SERPINC1: variants seen among roughly 807,000 people sequenced by gnomAD.
SERPINC1 encodes the protein antithrombin-III.
In SERPINC1, 12 loss-of-function variants were observed where a neutral mutation model predicts 43.4. That is an observed-to-expected ratio of 0.28 (90% CI 0.18 to 0.45). SERPINC1 has a LOEUF of 0.45. Among genes scored for constraint, SERPINC1 ranks in the 20% least tolerant of loss-of-function variants. SERPINC1 has a pLI of 1.00. For synonymous variants in SERPINC1, 210 were observed against 218.9 expected (o/e 0.96, Z 0.36); for missense variants, 423 against 578.8 (o/e 0.73, Z 2.76).
At chr1:173,915,691 A>G (rs746719316) in intron 1 of SERPINC1, among the ~76,000 whole-genome samples, 2 of 151,978 alleles carry the variant, frequency 1.3e-5, no homozygotes, top group African/African-American at 4.8e-5. Context: ...CAGCAACAAC[A>G]AACAAACAAA....
At chr1:173,917,018 G>T (rs2102793413) in intron 1 of SERPINC1, among the ~76,000 whole-genome samples, 2 of 152,244 alleles carry the variant, frequency 1.3e-5, no homozygotes, top group Middle Eastern at 6.8e-3. Context: ...GGACCCAAGG[G>T]GTAGCTTAGG....
rs1477111926 is a variant in SERPINC1, at chr1:173,908,514, G to T, written c.1154-1000C>A. Among the ~76,000 whole-genome samples the T allele has an allele frequency of 1.4e-5, 2 of 142,348 alleles. 1 individual carries two copies. The allele number at this position is 142,348 out of a possible 152,430, so 93.4% of individuals were successfully genotyped here. On this transcript the variant is annotated intron_variant, in intron 5 of 6. Transcript: ENST00000367698. ...TCAAAAAAAAAAAAAAAAAAAAAAGGTCAATAAAGATAAATCTAATTACTT... is the reference window on the plus strand; with the variant it reads ...TCAAAAAAAAAAAAAAAAAAAAAAGTTCAATAAAGATAAATCTAATTACTT...
At chr1:173,913,081 A>C (rs1657837820) in intron 2 of SERPINC1, among the ~76,000 whole-genome samples, 1 of 152,206 alleles carries the variant, frequency 6.6e-6, no homozygotes, top group African/African-American at 2.4e-5. Flanking sequence ...GAAATTGACC[A>C]CTAGAATAGA....
In SERPINC1 at chr1:173,913,828, C is replaced by A. The variant is rs189550424; in HGVS notation, c.408+725G>T. Among the ~76,000 whole-genome samples the A allele has an allele frequency of 7.4e-5, 11 of 149,076 alleles. No homozygotes were observed. The East Asian group carries it at 2.2e-3, about 29-fold the overall frequency. On this transcript the variant is annotated intron_variant, in intron 2 of 6. Coordinates refer to ENST00000367698, the MANE Select transcript of SERPINC1 (RefSeq NM_000488.4). ...TGAGATCGTGCCACTGCGCTCCAGCCTGGATGACAGAGCGAGACTCCGTCT... is the reference window on the plus strand; with the variant it reads ...TGAGATCGTGCCACTGCGCTCCAGCATGGATGACAGAGCGAGACTCCGTCT...
intron 4 of SERPINC1, among the ~76,000 whole-genome samples, chr1:173,910,461 T>A (rs926004317): frequency 6.6e-6 from 1 of 151,986 alleles, no homozygotes; most frequent in African/African-American, 2.4e-5. Flanking sequence ...GGTGCCTGTA[T>A]TCCCAGCTAC....
chr1:173,906,979 G>A (rs546292048), intron 6 of SERPINC1, among the ~76,000 whole-genome samples: 30 of 152,244 alleles, frequency 2.0e-4, no homozygotes, highest in African/African-American at 5.5e-4. Flanking sequence ...TTAGCCGGGC[G>A]TGATGGCACA....
chr1:173,914,455 G>A, intron 2 of SERPINC1, 98 bp downstream of exon 2: 2 of 1,365,782 alleles, frequency 1.5e-6, no homozygotes, highest in South Asian at 2.3e-5. Flanking sequence ...CGCCCCTAGT[G>A]GCCTGCAGTG....
chr1:173,909,516 G>T (rs531513129), intron 5 of SERPINC1, 36 bp downstream of exon 5: 1 of 1,609,992 alleles, frequency 6.2e-7, no homozygotes, highest in Non-Finnish European at 8.5e-7. Flanking sequence ...ACTACCTTGC[G>T]GGTGGAGAAG....
chr1:173,907,993 T>TAATAATAATAAC (rs1657596903), intron 5 of SERPINC1, among the ~76,000 whole-genome samples: 2 of 74,522 alleles, frequency 2.7e-5, no homozygotes, highest in African/African-American at 1.6e-4. Flanking sequence ...AAAATAATAA[T>TAATAATAATAAC]AATAATAATA....
At chr1:173,914,405 AAC>A (rs1454267478) in intron 2 of SERPINC1, 146 bp downstream of exon 2, 35 of 872,394 alleles carry the variant, frequency 4.0e-5, no homozygotes, top group Non-Finnish European at 5.9e-5. Context: ...AGGGAATTAT[AAC>A]ACAGTGATGT....
At chr1:173,911,596 C>T (rs914413024) in intron 3 of SERPINC1, among the ~76,000 whole-genome samples, 1 of 152,298 alleles carries the variant, frequency 6.6e-6, no homozygotes, top group African/African-American at 2.4e-5. Flanking sequence ...GTTTTCTGGG[C>T]AGTCACTACA....
At chr1:173,905,580 G>C (rs1416735729) in intron 6 of SERPINC1, among the ~76,000 whole-genome samples, 2 of 152,066 alleles carry the variant, frequency 1.3e-5, no homozygotes, top group Admixed American at 6.6e-5. Context: ...ATTTAGTCGG[G>C]CGTGGTGGCG....
At chr1:173,910,406 G>A (rs1272961894) in intron 4 of SERPINC1, among the ~76,000 whole-genome samples, 8 of 151,768 alleles carry the variant, frequency 5.3e-5, no homozygotes, top group African/African-American at 1.2e-4. Flanking sequence ...GTGAAACCCC[G>A]TCTTTACTAA....
At chr1:173,914,947 G>A (rs1321036591) in intron 1 of SERPINC1, 28 bp from the exon 2 acceptor site, 9 of 1,606,186 alleles carry the variant, frequency 5.6e-6, no homozygotes, top group Middle Eastern at 1.7e-4. Flanking sequence ...GCCAAGTTAA[G>A]CTAGGCTGCA....
chr1:173,914,296 A>C (rs1400832109), intron 2 of SERPINC1, among the ~76,000 whole-genome samples: 1 of 152,228 alleles, frequency 6.6e-6, no homozygotes, highest in Admixed American at 6.5e-5. Flanking sequence ...GAGAAGATAC[A>C]AGCCTTCCCC....
At chr1:173,910,350 G>A (rs1327704836) in intron 4 of SERPINC1, among the ~76,000 whole-genome samples, 2 of 152,046 alleles carry the variant, frequency 1.3e-5, no homozygotes, top group African/African-American at 2.4e-5. Flanking sequence ...AGGCCGAGGT[G>A]GGCAGATCAC....
intron 5 of SERPINC1, among the ~76,000 whole-genome samples, chr1:173,907,854 G>A (rs1284566276): frequency 1.3e-5 from 2 of 151,900 alleles, no homozygotes; most frequent in Non-Finnish European, 2.9e-5. Context: ...GGTGGCGCAT[G>A]CCTGTAATCC....
intron 6 of SERPINC1, among the ~76,000 whole-genome samples, chr1:173,907,135 C>A (rs753044335): frequency 1.3e-5 from 2 of 151,074 alleles, no homozygotes; most frequent in East Asian, 2.0e-4. Context: ...AAAAAAAATT[C>A]TCCCTGGGTT....
Position 173,909,947 on chromosome 1 carries a change from A to G in SERPINC1, c.763-5T>C, listed in dbSNP as rs781308217. The G allele has an allele frequency of 6.2e-7, 1 of 1,614,012 alleles. No homozygotes were observed. The highest frequency in any genetic ancestry group is 8.5e-7 in the Non-Finnish European group (1 of 1,179,964). On this transcript the variant is annotated splice_polypyrimidine_tract_variant and splice_region_variant and intron_variant, in intron 4 of 6. Transcript: ENST00000367698. ...GAACTTTGACTTCCACAGGCCCTGG[A>G]AGAGAATCACAAAGTAAGAACACAA...
Sources: gnomAD v4.1 joint callset for allele counts (sites outside exome capture counted in the v4.1 genomes callset) on GRCh38, gnomAD v4.1.1 for gene constraint, MANE v1.5 for transcripts, NCBI Gene and HGNC (gene_info 2026-07-23, HGNC 2026-07-21) for gene names.